Variants in RELN observed in about 807,000 individuals in gnomAD.
RELN encodes reelin.
Under a neutral mutation model 427.6 loss-of-function variants are expected in RELN, and 108 were observed. The observed-to-expected ratio is 0.25, with a 90% CI of 0.22 to 0.30. The LOEUF is 0.30. Among genes scored for constraint, RELN ranks in the 10% least tolerant of loss-of-function variants. The pLI, the probability that RELN is intolerant of heterozygous loss-of-function variation, is 1.00. For missense variants in RELN, 3,715 were observed against 4,302.8 expected, an observed-to-expected ratio of 0.86 and a Z score of 3.82; for synonymous variants, 1,524 against 1,513.4, an observed-to-expected ratio of 1.01 and a Z score of -0.16.
chr7:103,610,754 G>A lies in RELN; in HGVS notation c.2949C>T (p.Tyr983=), dbSNP rs776779660. 5 of 1,612,302 alleles carry A rather than the reference G, an allele frequency of 3.1e-6. No individual in the cohort carries two copies. The highest frequency in any genetic ancestry group is 3.4e-6 in the Non-Finnish European group (4 of 1,178,538). ...SCQEFTSASI[Y]HASEFTQWRR... ...TCCACTGTGTAAACTCACTGGCATG[G>A]TAAATACTTGCTGATGTAAATTCCT... Residue 983 remains tyrosine (Y), a synonymous_variant, in exon 22 of 65, where the codon TAC becomes TAT. Coordinates refer to ENST00000428762, the MANE Select transcript of RELN (RefSeq NM_005045.4).
At chr7:103,819,939 A>G (rs969536748) in intron 3 of RELN, among the ~76,000 whole-genome samples, 1 of 151,950 alleles carries the variant, frequency 6.6e-6, no homozygotes, top group African/African-American at 2.4e-5. Flanking sequence ...AATATCCAAG[A>G]TCTTTAAACA....
Position 103,489,830 on chromosome 7 carries a change from C to G in RELN, c.9675G>C (p.Val3225=). The G allele has an allele frequency of 6.2e-7, 1 of 1,614,222 alleles. No homozygotes were observed. Among genetic ancestry groups the G allele is most frequent in the Non-Finnish European group, 8.5e-7 (1 of 1,180,042 alleles). The change falls in exon 60 of 65, where the codon GTG becomes GTC. Residue 3225 remains valine, a synonymous_variant. Transcript: ENST00000428762. Reference sequence around the variant, plus strand: ...GCTTGGGGCAAGCCTCTCCAATGTACACGTGGTCAATTGCCCAGCTTTGCT... The same window carrying G: ...GCTTGGGGCAAGCCTCTCCAATGTAGACGTGGTCAATTGCCCAGCTTTGCT... The part of the protein sequence containing the change: ...TEKQSWAIDH[V]YIGEACPKLC...
chr7:103,765,057 G>A (rs546595145), intron 4 of RELN, among the ~76,000 whole-genome samples: 4 of 151,562 alleles, frequency 2.6e-5, no homozygotes, highest in Admixed American at 6.5e-5. Flanking sequence ...GGGTTAGGAC[G>A]AAAGCCTGGC....
At chr7:103,479,315 T>G (rs1428615119) in intron 63 of RELN, among the ~76,000 whole-genome samples, 1 of 152,172 alleles carries the variant, frequency 6.6e-6, no homozygotes, top group Non-Finnish European at 1.5e-5. Flanking sequence ...CATAAACATA[T>G]ACTGAAAAAT....
intron 10 of RELN, among the ~76,000 whole-genome samples, chr7:103,695,985 G>T (rs1415577566): frequency 6.6e-6 from 1 of 152,144 alleles, no homozygotes; most frequent in African/African-American, 2.4e-5. Context: ...AAAGCAACAT[G>T]ACTAGGGTTT....
chr7:103,488,349 T>G (rs554877218), intron 60 of RELN, among the ~76,000 whole-genome samples: 1 of 152,278 alleles, frequency 6.6e-6, no homozygotes, highest in East Asian at 1.9e-4. Flanking sequence ...AAATTAAGGT[T>G]CAGGAGAGAG....
intron 49 of RELN, among the ~76,000 whole-genome samples, chr7:103,518,460 G>A (rs1584258615): frequency 6.8e-6 from 1 of 146,302 alleles, no homozygotes; most frequent in Admixed American, 6.9e-5. Context: ...AGCCTCCTGA[G>A]TAGCTGGGAC....
intron 4 of RELN, among the ~76,000 whole-genome samples, chr7:103,762,070 C>A (rs368211519): frequency 6.6e-6 from 1 of 152,116 alleles, no homozygotes; most frequent in Non-Finnish European, 1.5e-5. Context: ...TTTCTCAGCG[C>A]CCCCCTATAG....
intron 4 of RELN, among the ~76,000 whole-genome samples, chr7:103,766,843 C>T (rs750144997): frequency 2.0e-5 from 3 of 152,184 alleles, no homozygotes; most frequent in Admixed American, 6.5e-5. Flanking sequence ...AGGTTTTCTG[C>T]GCCAGCTGTA....
chr7:103,485,992 A>G (rs1028856309), intron 61 of RELN, among the ~76,000 whole-genome samples: 27 of 152,000 alleles, frequency 1.8e-4, no homozygotes, highest in Admixed American at 1.8e-3. Context: ...GAAGAAATAC[A>G]AAGCAATTCT....
intron 38 of RELN, 25 bp from the exon 39 acceptor site, chr7:103,553,856 G>C: frequency 1.9e-6 from 3 of 1,596,804 alleles, no homozygotes; most frequent in Non-Finnish European, 2.6e-6. Flanking sequence ...GATAAAGCAA[G>C]TTTTTCCAGT....
chr7:103,924,142 T>C (rs535567058), intron 1 of RELN, among the ~76,000 whole-genome samples: 6 of 152,216 alleles, frequency 3.9e-5, no homozygotes, highest in African/African-American at 1.4e-4. Context: ...AGGTGCTTGA[T>C]CTTTTCCTGG....
chr7:103,642,802 T>C (rs1832720660), intron 16 of RELN, among the ~76,000 whole-genome samples: 1 of 152,108 alleles, frequency 6.6e-6, no homozygotes. Context: ...CCTTAAAAAG[T>C]GTGACAGCAA....
chr7:103,791,470 A>G (rs1792160104), intron 3 of RELN, among the ~76,000 whole-genome samples: 2 of 152,200 alleles, frequency 1.3e-5, no homozygotes, highest in African/African-American at 4.8e-5. Context: ...TTCTGACAGG[A>G]TAATTCCATG....
intron 8 of RELN, among the ~76,000 whole-genome samples, chr7:103,715,552 A>T (rs1012176804): frequency 3.9e-5 from 6 of 152,146 alleles, no homozygotes; most frequent in African/African-American, 1.4e-4. Context: ...CCCAAACCTC[A>T]TTAGGGGACT....
In RELN at chr7:103,490,840, CA is replaced by C; in HGVS notation, c.9444-12del. 6.2e-7 allele frequency: 1 copy of C among 1,614,050 alleles called. No homozygotes were observed. The highest frequency in any genetic ancestry group is 8.5e-7 in the Non-Finnish European group (1 of 1,179,968). Reference sequence around the variant, plus strand: ...TGCCAGGAATCCGATCTGCAGAAACCAAAAGGCTTTGTTAGACAAATTGTAA... The same window carrying C: ...TGCCAGGAATCCGATCTGCAGAAACCAAAGGCTTTGTTAGACAAATTGTAA... On this transcript the variant is annotated splice_polypyrimidine_tract_variant and intron_variant, in intron 58 of 64. Coordinates refer to ENST00000428762, the MANE Select transcript of RELN (RefSeq NM_005045.4).
intron 12 of RELN, among the ~76,000 whole-genome samples, chr7:103,660,078 G>A (rs1833105622): frequency 6.6e-6 from 1 of 151,946 alleles, no homozygotes; most frequent in South Asian, 2.1e-4. Flanking sequence ...ATTATATAAA[G>A]GAACTTATAT....
intron 2 of RELN, among the ~76,000 whole-genome samples, chr7:103,885,839 A>G (rs889277674): frequency 1.3e-5 from 2 of 152,222 alleles, no homozygotes; most frequent in African/African-American, 4.8e-5. Flanking sequence ...CTAACAATTA[A>G]AATGTTGCGT....
At chr7:103,552,257 A>C (rs1830429885) in intron 40 of RELN, among the ~76,000 whole-genome samples, 1 of 152,184 alleles carries the variant, frequency 6.6e-6, no homozygotes, top group South Asian at 2.1e-4. Flanking sequence ...CTTTCTATAA[A>C]AAATTTCCCC....
Sources: allele counts gnomAD v4.1 joint callset (sites outside exome capture counted in the v4.1 genomes callset), GRCh38; gene constraint gnomAD v4.1.1; transcripts MANE v1.5; gene names NCBI Gene and HGNC (gene_info 2026-07-23, HGNC 2026-07-21).